The following PTPN4 variants were observed in gnomAD, a reference collection of about 807,000 sequenced individuals.
PTPN4 encodes the protein tyrosine-protein phosphatase non-receptor type 4.
Under a neutral mutation model 135.5 loss-of-function variants are expected in PTPN4, and 49 were observed. The ratio of observed to expected loss-of-function variants is 0.36; its 90% CI spans 0.29 to 0.46. The LOEUF (loss-of-function observed/expected upper bound fraction) is 0.46. PTPN4 is among the 20% of genes least tolerant of loss of function. The probability of loss-of-function intolerance (pLI) is 1.00; values close to 1 mark genes in which losing one functional copy is unlikely to be tolerated. For synonymous variants in PTPN4, 333 were observed against 369.9 expected (o/e 0.90, Z 1.14); for missense variants, 860 against 1,101.0 (o/e 0.78, Z 3.10).
intron 5 of PTPN4, 99 bp from the exon 6 acceptor site, chr2:119,881,683 ATATT>A: frequency 1.3e-6 from 1 of 754,104 alleles, no homozygotes; most frequent in Admixed American, 3.5e-5. Context: ...ATAAAAGCAA[ATATT>A]TAAATATGTT....
rs1199240312 is a variant in PTPN4, at chr2:119,980,548, C to T, written c.*3478C>T. On this transcript the variant is annotated 3_prime_UTR_variant, in exon 27 of 27. Coordinates refer to ENST00000263708, the MANE Select transcript of PTPN4 (RefSeq NM_002830.4). ...CTTATATGATCTGCTTTCTAATTAT[C>T]TATCTAGTATTCCTATATTATACTG... is the stretch of plus-strand genomic sequence containing the variant. 1 of 151,922 alleles carries T rather than the reference C, an allele frequency of 6.6e-6. No homozygotes were observed. The highest frequency in any genetic ancestry group is 1.9e-4 in the East Asian group (1 of 5,200). 9.4% of individuals were successfully genotyped at this position (151,922 alleles called of 1,614,324 possible). A position where few individuals can be genotyped will look rare whatever the true frequency, so the allele number is the denominator to read the frequency against.
chr2:119,858,377 A>G (rs1558747043), intron 2 of PTPN4, among the ~76,000 whole-genome samples: 1 of 151,980 alleles, frequency 6.6e-6, no homozygotes, highest in Admixed American at 6.6e-5. Context: ...TAGTATTTTG[A>G]TTATGATGTG....
intron 1 of PTPN4, among the ~76,000 whole-genome samples, chr2:119,761,912 G>T (rs1237436901): frequency 6.6e-6 from 1 of 152,132 alleles, no homozygotes; most frequent in Non-Finnish European, 1.5e-5. Context: ...ACGAGGATGT[G>T]ATTTTTCTTA....
chr2:119,837,103 A>G (rs574620342), intron 2 of PTPN4, among the ~76,000 whole-genome samples: 1 of 152,324 alleles, frequency 6.6e-6, no homozygotes, highest in South Asian at 2.1e-4. Context: ...TTGAGTCCAC[A>G]GCCTGGAGGG....
At chr2:119,787,915 T>C (rs938417431) in intron 1 of PTPN4, among the ~76,000 whole-genome samples, 2 of 152,308 alleles carry the variant, frequency 1.3e-5, no homozygotes, top group Non-Finnish European at 2.9e-5. Flanking sequence ...TATTAAAGAC[T>C]AGTATTAGAC....
intron 11 of PTPN4, chr2:119,915,582 A>G (rs72971034): frequency 0.024 from 3,906 of 162,866 alleles, 168 homozygotes; most frequent in African/African-American, 0.087. Context: ...AATCTATAGT[A>G]CTTACTTTCG....
Position 119,981,831 on chromosome 2 carries a change from CAT to C in PTPN4, c.*4763_*4764del, listed in dbSNP as rs964961721. ...ATGAATTTGTTGTGAGTAGACACCA[CAT>C]AGTTATTTCTGTTTGCATATAAATT... On this transcript the variant is annotated 3_prime_UTR_variant, in exon 27 of 27. Transcript: ENST00000263708. 2.6e-5 allele frequency: 4 copies of C among 152,054 alleles called. No individual in the cohort carries two copies. The highest frequency in any genetic ancestry group is 9.7e-5 in the African/African-American group (4 of 41,394). The allele number at this position is 152,054 out of a possible 1,614,324, so 9.4% of individuals were successfully genotyped here.
intron 3 of PTPN4, among the ~76,000 whole-genome samples, chr2:119,870,016 G>A (rs1038265351): frequency 6.6e-6 from 1 of 152,194 alleles, no homozygotes; most frequent in Non-Finnish European, 1.5e-5. Context: ...TAATTGAACA[G>A]AGGGCAGCAG....
Position 119,868,581 on chromosome 2 carries a change from C to T in PTPN4, c.246+5938C>T, listed in dbSNP as rs372002826. On this transcript the variant is annotated intron_variant, in intron 3 of 26. Transcript: ENST00000263708. Reference sequence around the variant, plus strand: ...CCACGTTGGAAGGTTGTGGGTTTACCGGAATGAGGGCAAGGAACACCTGGC... The same window carrying T: ...CCACGTTGGAAGGTTGTGGGTTTACTGGAATGAGGGCAAGGAACACCTGGC... 1.1e-4 allele frequency among the ~76,000 whole-genome samples: 17 copies of T among 152,272 alleles called. No individual in the cohort carries two copies. In the East Asian group the frequency reaches 1.9e-3, roughly 17 times the overall value.
chr2:119,923,405 A>G (rs1678766431), intron 12 of PTPN4, among the ~76,000 whole-genome samples: 1 of 152,154 alleles, frequency 6.6e-6, no homozygotes, highest in Non-Finnish European at 1.5e-5. Flanking sequence ...TTCCAAATAA[A>G]ACTTGTATCT....
At chr2:119,933,459 C>A (rs567535997) in intron 14 of PTPN4, among the ~76,000 whole-genome samples, 4 of 151,992 alleles carry the variant, frequency 2.6e-5, no homozygotes, top group South Asian at 2.1e-4. Context: ...TGTGTGGATT[C>A]CTTAAGGTCA....
Position 119,760,247 on chromosome 2 carries a change from G to T in PTPN4, c.-155G>T. The T allele has an allele frequency of 2.5e-6, 1 of 396,480 alleles. No individual in the cohort carries two copies. Among genetic ancestry groups the T allele is most frequent in the South Asian group, 1.3e-4 (1 of 7,660 alleles). 24.6% of individuals were successfully genotyped at this position (396,480 alleles called of 1,614,324 possible). A position where few individuals can be genotyped will look rare whatever the true frequency, so the allele number is the denominator to read the frequency against. On this transcript the variant is annotated 5_prime_UTR_variant, in exon 1 of 27. Coordinates refer to ENST00000263708, the MANE Select transcript of PTPN4 (RefSeq NM_002830.4). ...TGCTGGCGGCTCCGGGTCGTGGCGC[G>T]ACCGCTGCGGCGGCGGCTGCTCGGG...
At chr2:119,801,900 GTTTTTT>G (rs768983862) in intron 1 of PTPN4, among the ~76,000 whole-genome samples, 1 of 98,794 alleles carries the variant, frequency 1.0e-5, no homozygotes, top group African/African-American at 3.8e-5. Context: ...CTTTCTTTCC[GTTTTTT>G]TTTTTTTTTT....
chr2:119,955,065 C>A, intron 19 of PTPN4, 92 bp from the exon 20 acceptor site: 23 of 1,159,686 alleles, frequency 2.0e-5, no homozygotes, highest in Non-Finnish European at 2.7e-5. Context: ...ATTTTTTGAA[C>A]AAAACATTAT....
intron 2 of PTPN4, among the ~76,000 whole-genome samples, chr2:119,859,873 T>TC (rs1677736103): frequency 6.6e-6 from 1 of 152,196 alleles, no homozygotes; most frequent in Non-Finnish European, 1.5e-5. Flanking sequence ...TCAGTTTTTT[T>TC]CCCATTGAGT....
At chr2:119,820,976 T>C (rs1677058078) in intron 2 of PTPN4, among the ~76,000 whole-genome samples, 1 of 151,868 alleles carries the variant, frequency 6.6e-6, no homozygotes, top group Non-Finnish European at 1.5e-5. Context: ...AAAATATTTA[T>C]CCTGAAACTC....
chr2:119,882,843 G>A (rs1370059187), intron 8 of PTPN4, among the ~76,000 whole-genome samples: 1 of 152,008 alleles, frequency 6.6e-6, no homozygotes, highest in African/African-American at 2.4e-5. Context: ...TAAGCTATCT[G>A]TAAACAGATA....
intron 1 of PTPN4, chr2:119,771,482 G>A (rs138628487): frequency 0.017 from 2,566 of 152,296 alleles, 42 homozygotes; most frequent in Non-Finnish European, 0.027. Flanking sequence ...TGTAGCTGGA[G>A]CTCTCTGCTA....
At chr2:119,823,969 A>G (rs970001622) in intron 2 of PTPN4, among the ~76,000 whole-genome samples, 7 of 152,242 alleles carry the variant, frequency 4.6e-5, no homozygotes, top group African/African-American at 1.4e-4. Context: ...ACAACATGCT[A>G]TAACTATATC....
Sources: allele counts gnomAD v4.1 joint callset (sites outside exome capture counted in the v4.1 genomes callset), GRCh38; gene constraint gnomAD v4.1.1; transcripts MANE v1.5; gene names NCBI Gene and HGNC (gene_info 2026-07-23, HGNC 2026-07-21).